The following SLIT3 variants were observed in gnomAD, a reference collection of about 807,000 sequenced individuals.
The protein encoded by SLIT3 is slit homolog 3 protein.
In SLIT3, 68 loss-of-function variants were observed where a neutral mutation model predicts 184.0. That is an observed-to-expected ratio of 0.37 (90% CI 0.30 to 0.45). SLIT3 has a LOEUF of 0.45. Ranked by LOEUF, SLIT3 falls within the 20% of genes least tolerant of loss-of-function variation. The pLI, the probability that SLIT3 is intolerant of heterozygous loss-of-function variation, is 1.00. For missense variants in SLIT3, 1,707 were observed against 2,026.0 expected (o/e 0.84, Z 3.02); for synonymous variants, 831 against 828.6 (o/e 1.00, Z -0.05).
intron 4 of SLIT3, among the ~76,000 whole-genome samples, chr5:168,999,522 G>A (rs1755631115): frequency 6.6e-6 from 1 of 152,000 alleles, no homozygotes; most frequent in African/African-American, 2.4e-5. Context: ...AGACCCATGT[G>A]AAGCAGGCAG....
chr5:169,115,830 C>T (rs780125336), intron 4 of SLIT3, among the ~76,000 whole-genome samples: 5 of 152,162 alleles, frequency 3.3e-5, no homozygotes, highest in African/African-American at 4.8e-5. Context: ...TGGTGGGATC[C>T]GATCCTCACA....
intron 4 of SLIT3, among the ~76,000 whole-genome samples, chr5:169,168,342 T>C (rs1294442894): frequency 1.3e-5 from 2 of 152,232 alleles, no homozygotes; most frequent in Non-Finnish European, 2.9e-5. Context: ...TTCTACAATC[T>C]TGTCTTCTAT....
At chr5:169,070,642 C>T (rs775044413) in intron 4 of SLIT3, among the ~76,000 whole-genome samples, 10 of 152,178 alleles carry the variant, frequency 6.6e-5, no homozygotes, top group Admixed American at 1.3e-4. Flanking sequence ...ACCAAGTGTT[C>T]GGTTCAGCAT....
chr5:169,206,174 T>G (rs945137790), intron 3 of SLIT3, among the ~76,000 whole-genome samples: 1 of 152,184 alleles, frequency 6.6e-6, no homozygotes, highest in Non-Finnish European at 1.5e-5. Flanking sequence ...TTAGCAACAC[T>G]CTGCAAAAGC....
intron 4 of SLIT3, among the ~76,000 whole-genome samples, chr5:169,188,378 T>C (rs1387418034): frequency 6.6e-6 from 1 of 152,184 alleles, no homozygotes; most frequent in Non-Finnish European, 1.5e-5. Context: ...CTCCCATGAG[T>C]AGGTTAAAGA....
At chr5:169,013,442 G>A (rs74777019) in intron 4 of SLIT3, 1 of 152,188 alleles carries the variant, frequency 6.6e-6, no homozygotes, top group South Asian at 2.1e-4. Context: ...GGGGGAAGCC[G>A]AAATGGAGCA....
chr5:169,093,609 A>C (rs1389657558), intron 4 of SLIT3, among the ~76,000 whole-genome samples: 1 of 152,212 alleles, frequency 6.6e-6, no homozygotes, highest in Non-Finnish European at 1.5e-5. Context: ...TGGGAAGCAG[A>C]GTTTTACAAT....
intron 3 of SLIT3, among the ~76,000 whole-genome samples, chr5:169,230,052 A>G (rs2112188): frequency 0.031 from 4,785 of 152,268 alleles, 223 homozygotes; most frequent in African/African-American, 0.11. Flanking sequence ...GTGTAATTTC[A>G]GTAATCAATG....
chr5:168,896,621 A>C (rs1180995896), intron 4 of SLIT3, among the ~76,000 whole-genome samples: 4 of 152,210 alleles, frequency 2.6e-5, no homozygotes, highest in Non-Finnish European at 4.4e-5. Flanking sequence ...CTCTCGTGGA[A>C]TCTACCACAA....
At chr5:169,154,311 C>T (rs116690536) in intron 4 of SLIT3, among the ~76,000 whole-genome samples, 279 of 152,266 alleles carry the variant, frequency 1.8e-3, no homozygotes, top group African/African-American at 6.4e-3. Context: ...TTAATGTTTC[C>T]ATCATTTTGT....
At position 168,713,951 on chromosome 5, in the gene SLIT3, C is replaced by T. The variant is rs563680832; in HGVS notation, c.2484-1597G>A. On this transcript the variant is annotated intron_variant, in intron 23 of 35. Coordinates refer to ENST00000519560, the MANE Select transcript of SLIT3 (RefSeq NM_003062.4). ...GCAAGGCCCTTATTTCTCTCCTCTT[C>T]CCATATAATCTGCTCTTCTCTTTCT... 3.9e-5 allele frequency among the ~76,000 whole-genome samples: 6 copies of T among 152,304 alleles called. No individual in the cohort carries two copies. The South Asian group carries it at 1.2e-3, about 32-fold the overall frequency.
At chr5:169,271,386 G>C (rs990650246) in intron 1 of SLIT3, among the ~76,000 whole-genome samples, 3 of 152,138 alleles carry the variant, frequency 2.0e-5, no homozygotes, top group African/African-American at 7.2e-5. Flanking sequence ...ATTACACCTT[G>C]CTCCTGGTCC....
At chr5:168,950,810 G>T (rs1208574475) in intron 4 of SLIT3, among the ~76,000 whole-genome samples, 2 of 152,196 alleles carry the variant, frequency 1.3e-5, no homozygotes, top group African/African-American at 4.8e-5. Flanking sequence ...GACCAAAATG[G>T]CAGTTGCAAT....
At chr5:168,986,438 T>A (rs762114316) in intron 4 of SLIT3, among the ~76,000 whole-genome samples, 58 of 152,182 alleles carry the variant, frequency 3.8e-4, no homozygotes, top group Non-Finnish European at 6.9e-4. Flanking sequence ...ACCATGATGC[T>A]TTTCAGCTCA....
intron 9 of SLIT3, among the ~76,000 whole-genome samples, chr5:168,795,798 A>C (rs2174427): frequency 0.62 from 93,546 of 151,830 alleles, 31,116 homozygotes; most frequent in African/African-American, 0.88. Context: ...TTGGAGAAAG[A>C]GGGAAAGGAT....
rs568650822 is a variant in SLIT3 at position 168,793,803 on chromosome 5, G to C, written c.1007+1704C>G. On this transcript the variant is annotated intron_variant, in intron 10 of 35. Transcript: ENST00000519560. ...AAGCTGAGCTTTAAAAATGAATTGG[G>C]GGGGGGGATGCATGGAGAGCGGGCT... is the stretch of plus-strand genomic sequence containing the variant. Among the ~76,000 whole-genome samples, 241 of 134,402 alleles carry C rather than the reference G, an allele frequency of 1.8e-3. 1 individual carries two copies. Among genetic ancestry groups the C allele is most frequent in the Admixed American group, 5.0e-3 (72 of 14,504 alleles). 88.2% of individuals were successfully genotyped at this position (134,402 alleles called of 152,430 possible).
At chr5:168,871,274 G>A (rs1292994593) in intron 5 of SLIT3, among the ~76,000 whole-genome samples, 2 of 152,180 alleles carry the variant, frequency 1.3e-5, no homozygotes, top group Non-Finnish European at 2.9e-5. Context: ...CTATCCACTT[G>A]AAGAACCTGA....
intron 4 of SLIT3, among the ~76,000 whole-genome samples, chr5:169,129,088 T>C (rs976869734): frequency 6.6e-6 from 1 of 152,168 alleles, no homozygotes; most frequent in Admixed American, 6.5e-5. Context: ...TGCTTGTTCA[T>C]CGAAACCTAC....
At chr5:168,803,813 T>C (rs1252418939) in intron 9 of SLIT3, among the ~76,000 whole-genome samples, 2 of 151,832 alleles carry the variant, frequency 1.3e-5, no homozygotes, top group East Asian at 3.9e-4. Context: ...GAATCTGAAA[T>C]GAGATGAGGG....
Sources: allele counts gnomAD v4.1 joint callset (sites outside exome capture counted in the v4.1 genomes callset), GRCh38; gene constraint gnomAD v4.1.1; transcripts MANE v1.5; gene names NCBI Gene and HGNC (gene_info 2026-07-23, HGNC 2026-07-21).